The following RASSF5 variants were observed in gnomAD, a reference collection of about 807,000 sequenced individuals.
RASSF5 encodes the protein Ras association domain family member 5.
RASSF5 carries 25 observed loss-of-function variants against 40.5 expected under a neutral mutation model. That is an observed-to-expected ratio of 0.62 (90% CI 0.45 to 0.86). RASSF5 has a LOEUF of 0.86. RASSF5 is among the 40% of genes least tolerant of loss of function. The probability of loss-of-function intolerance (pLI) is 0.00; values close to 1 mark genes in which losing one functional copy is unlikely to be tolerated. For synonymous variants in RASSF5, 246 were observed against 252.4 expected (o/e 0.97, Z 0.24); for missense variants, 521 against 572.8 (o/e 0.91, Z 0.92).
chr1:206,570,863 C>T (rs10779478), intron 2 of RASSF5, among the ~76,000 whole-genome samples: 84,110 of 151,954 alleles, frequency 0.55, 23,500 homozygotes, highest in Middle Eastern at 0.68. Context: ...TTTTTGGCTA[C>T]TGTGAATCGT....
rs968222672 is a variant in RASSF5, at chr1:206,531,897, C to G, written c.458-6275C>G. Among the ~76,000 whole-genome samples, 97 of 151,286 alleles carry G rather than the reference C, an allele frequency of 6.4e-4. No individual in the cohort carries two copies. The highest frequency in any genetic ancestry group is 3.4e-3 in the Middle Eastern group (1 of 294). On this transcript the variant is annotated intron_variant, in intron 1 of 5. Coordinates refer to ENST00000579436, the MANE Select transcript of RASSF5 (RefSeq NM_182663.4). The surrounding 1 kb of genome is among the most constrained non-coding windows in gnomAD (Gnocchi z 4.7). ...CTAAAAAAAAATAAATAAATAAATA[C>G]AAAAATTAGCCAGGCATGGTGGCGG... is the stretch of plus-strand genomic sequence containing the variant.
chr1:206,584,908 A>G lies in RASSF5; in HGVS notation c.988+224A>G, dbSNP rs1373033495. The G allele has an allele frequency of 3.3e-6, 2 of 613,222 alleles. No individual in the cohort carries two copies. Among genetic ancestry groups the G allele is most frequent in the Non-Finnish European group, 5.7e-6 (2 of 348,642 alleles). The allele number at this position is 613,222 out of a possible 1,614,324, so 38.0% of individuals were successfully genotyped here. A position where few individuals can be genotyped will look rare whatever the true frequency, so the allele number is the denominator to read the frequency against. ...CAGGAAAACCACACCCTAGGCTCCC[A>G]TTTCCTGATCTGTGCAATGGGAGGA... is the stretch of plus-strand genomic sequence containing the variant. On this transcript the variant is annotated intron_variant, in intron 4 of 5. Coordinates refer to ENST00000579436, the MANE Select transcript of RASSF5 (RefSeq NM_182663.4). The surrounding 1 kb of genome is among the most constrained non-coding windows in gnomAD (Gnocchi z 4.9).
In RASSF5 at chr1:206,584,533, C is replaced by A; in HGVS notation, c.837C>A (p.Ser279=). The A allele has an allele frequency of 6.2e-7, 1 of 1,614,194 alleles. No homozygotes were observed. The highest frequency in any genetic ancestry group is 1.3e-5 in the African/African-American group (1 of 75,052). The stretch of plus-strand genomic sequence containing the variant: ...CGGCTACCACGGACAAGCGGACATC[C>A]TTCTACCTGCCCCTAGATGCCATCA... ...NLAATTDKRT[S]FYLPLDAIKQ... Residue 279 remains serine (S), a synonymous_variant, in exon 4 of 6, where the codon TCC becomes TCA. Transcript: ENST00000579436. This position sits in a 1 kb window ranked among gnomAD's most constrained non-coding sequence, Gnocchi z 4.9.
chr1:206,556,759 G>A (rs1667999399), intron 2 of RASSF5, among the ~76,000 whole-genome samples: 1 of 152,216 alleles, frequency 6.6e-6, no homozygotes, highest in Admixed American at 6.5e-5. Flanking sequence ...CCCAGGCAGG[G>A]CAGATATTGA....
intron 2 of RASSF5, among the ~76,000 whole-genome samples, chr1:206,573,047 T>C (rs1668504401): frequency 6.6e-6 from 1 of 152,272 alleles, no homozygotes; most frequent in Non-Finnish European, 1.5e-5. Context: ...GTGATGATGA[T>C]AATTTGGATG....
chr1:206,509,205 A>G (rs1472135922), intron 1 of RASSF5, among the ~76,000 whole-genome samples: 4 of 152,242 alleles, frequency 2.6e-5, no homozygotes, highest in African/African-American at 4.8e-5. Flanking sequence ...AGCGTTGGAC[A>G]GCAGCAGTGA....
At position 206,513,830 on chromosome 1, in the gene RASSF5, C is replaced by A. The variant is rs1287735630; in HGVS notation, c.457+5771C>A. Among the ~76,000 whole-genome samples the A allele has an allele frequency of 2.0e-5, 3 of 152,208 alleles. No individual in the cohort carries two copies. Among genetic ancestry groups the A allele is most frequent in the Non-Finnish European group, 4.4e-5 (3 of 68,036 alleles). On this transcript the variant is annotated intron_variant, in intron 1 of 5. Transcript: ENST00000579436. The surrounding 1 kb of genome is among the most constrained non-coding windows in gnomAD (Gnocchi z 5.0). ...GCTGAGGTGATGACGTTAGACCAGG[C>A]AGAAGGCTGGGTTCCCTGGGGGCAC...
intron 1 of RASSF5, among the ~76,000 whole-genome samples, chr1:206,524,669 TTA>T (rs1667049221): frequency 1.7e-5 from 1 of 60,232 alleles, no homozygotes; most frequent in South Asian, 8.5e-4. Context: ...ATAATATATA[TTA>T]TATATAATAT....
At chr1:206,578,233 A>T (rs1282232874) in intron 2 of RASSF5, among the ~76,000 whole-genome samples, 25,383 of 117,236 alleles carry the variant, frequency 0.22, 2,421 homozygotes, top group Middle Eastern at 0.4. Flanking sequence ...AAAAAAAAAA[A>T]GTGTGTGTGT....
intron 2 of RASSF5, among the ~76,000 whole-genome samples, chr1:206,577,771 G>A (rs1553405443): frequency 6.6e-6 from 1 of 152,168 alleles, no homozygotes. Flanking sequence ...TCCACTGTAG[G>A]CAATAGGGGA....
intron 1 of RASSF5, among the ~76,000 whole-genome samples, chr1:206,510,285 G>A (rs1553394457): frequency 6.6e-6 from 1 of 152,138 alleles, no homozygotes; most frequent in Non-Finnish European, 1.5e-5. Context: ...CAGTAGTTAA[G>A]AGTACAGACT....
At position 206,507,716 on chromosome 1, in the gene RASSF5, C is replaced by A; in HGVS notation, c.114C>A (p.Pro38=). Residue 38 remains proline (P), a synonymous_variant, in exon 1 of 6, where the codon CCC becomes CCA. Transcript: ENST00000579436. Reference sequence around the variant, plus strand: ...GCCCCGAGCTACCGCCGCCGCCCCCCGACCGGTCCTCGCGCCTCTGTGTCC... The same window carrying A: ...GCCCCGAGCTACCGCCGCCGCCCCCAGACCGGTCCTCGCGCCTCTGTGTCC... ...LSGPELPPPP[P]DRSSRLCVPA... 1 of 1,486,738 alleles carries A rather than the reference C, an allele frequency of 6.7e-7. No individual in the cohort carries two copies. The highest frequency in any genetic ancestry group is 8.9e-7 in the Non-Finnish European group (1 of 1,125,214). The allele number at this position is 1,486,738 out of a possible 1,614,324, so 92.1% of individuals were successfully genotyped here.
Position 206,552,807 on chromosome 1 carries a change from T to C in RASSF5, c.579+14514T>C, listed in dbSNP as rs1667876761. On this transcript the variant is annotated intron_variant, in intron 2 of 5. Transcript: ENST00000579436. The surrounding 1 kb of genome is among the most constrained non-coding windows in gnomAD (Gnocchi z 4.1). ...CATTCAGTAACTTTAGTAGACCGTCTTATTCAATGTTGTTCTCACTAGACT... is the reference window on the plus strand; with the variant it reads ...CATTCAGTAACTTTAGTAGACCGTCCTATTCAATGTTGTTCTCACTAGACT... 6.6e-6 allele frequency among the ~76,000 whole-genome samples: 1 copy of C among 152,222 alleles called. No individual in the cohort carries two copies. Among genetic ancestry groups the C allele is most frequent in the Non-Finnish European group, 1.5e-5 (1 of 68,044 alleles).
At chr1:206,548,699 T>C (rs2103531688) in intron 2 of RASSF5, among the ~76,000 whole-genome samples, 1 of 152,258 alleles carries the variant, frequency 6.6e-6, no homozygotes, top group East Asian at 1.9e-4. Flanking sequence ...GGATTTATAG[T>C]TTTCACGAAA....
chr1:206,553,173 G>T (rs560475462), intron 2 of RASSF5, among the ~76,000 whole-genome samples: 1 of 152,202 alleles, frequency 6.6e-6, no homozygotes, highest in South Asian at 2.1e-4. Context: ...CTGCACTCCA[G>T]CCTGGGTGAC....
chr1:206,528,903 G>A lies in RASSF5; in HGVS notation c.458-9269G>A, dbSNP rs191882638. 1,989 of 554,294 alleles carry A rather than the reference G, an allele frequency of 3.6e-3. 6 individuals are homozygous for A. Among genetic ancestry groups the A allele is most frequent in the Middle Eastern group, 8.4e-3 (18 of 2,142 alleles). The allele number at this position is 554,294 out of a possible 1,614,324, so 34.3% of individuals were successfully genotyped here. Reference sequence around the variant, plus strand: ...AAATTAAAAAATTAGCTCTCTCCTCGCATTGCCCAAGATGCTGAAAGGAAA... The same window carrying A: ...AAATTAAAAAATTAGCTCTCTCCTCACATTGCCCAAGATGCTGAAAGGAAA... On this transcript the variant is annotated intron_variant, in intron 1 of 5. Transcript: ENST00000579436.
At chr1:206,515,406 G>A (rs1428279656) in intron 1 of RASSF5, among the ~76,000 whole-genome samples, 1 of 152,180 alleles carries the variant, frequency 6.6e-6, no homozygotes, top group Non-Finnish European at 1.5e-5. Flanking sequence ...ACCTCACCCC[G>A]TAGGTGTTCA....
At chr1:206,524,862 C>T (rs1056496110) in intron 1 of RASSF5, among the ~76,000 whole-genome samples, 1 of 150,290 alleles carries the variant, frequency 6.7e-6, no homozygotes, top group Non-Finnish European at 1.5e-5. Context: ...TGCACACATA[C>T]ACACACACAC....
intron 2 of RASSF5, among the ~76,000 whole-genome samples, chr1:206,566,572 G>A (rs912643097): frequency 6.6e-5 from 10 of 152,186 alleles, no homozygotes; most frequent in Non-Finnish European, 1.5e-4. Context: ...GCAGTGGGGA[G>A]CAAGAGGCAG....
Sources: allele counts gnomAD v4.1 joint callset (sites outside exome capture counted in the v4.1 genomes callset), GRCh38; gene constraint gnomAD v4.1.1; non-coding constraint Gnocchi (gnomAD v3.1); transcripts MANE v1.5; gene names NCBI Gene and HGNC (gene_info 2026-07-23, HGNC 2026-07-21).